Variants in PTGER4 observed in about 807,000 individuals in gnomAD.
PTGER4 encodes prostaglandin E2 receptor EP4 subtype.
In PTGER4, 11 loss-of-function variants were observed where a neutral mutation model predicts 33.2. The ratio of observed to expected loss-of-function variants is 0.33; its 90% CI spans 0.21 to 0.55. The LOEUF (loss-of-function observed/expected upper bound fraction) is 0.55. PTGER4 is among the 20% of genes least tolerant of loss of function. PTGER4 has a pLI of 0.92. For synonymous variants in PTGER4, 275 were observed against 281.5 expected (o/e 0.98, Z 0.23); for missense variants, 481 against 650.2 (o/e 0.74, Z 2.83).
intron 2 of PTGER4, among the ~76,000 whole-genome samples, chr5:40,687,654 C>T (rs989196734): frequency 2.0e-5 from 3 of 152,218 alleles, no homozygotes; most frequent in African/African-American, 7.2e-5. Flanking sequence ...TCTTTCCCTA[C>T]TTGAAGTAAG....
At chr5:40,704,020 G>C in the PTGER4 span, among the ~76,000 whole-genome samples, 3 of 142,354 alleles carry the variant, frequency 2.1e-5, no homozygotes, top group Non-Finnish European at 4.5e-5. Flanking sequence ...ACCTGGCAGA[G>C]ACACAACAAA....
the PTGER4 span, among the ~76,000 whole-genome samples, chr5:40,709,950 T>C: frequency 6.6e-6 from 1 of 152,200 alleles, no homozygotes; most frequent in African/African-American, 2.4e-5. Context: ...GACTTAAATG[T>C]TAGACCTAAA....
At chr5:40,696,476 G>T (rs941910736), downstream of PTGER4, among the ~76,000 whole-genome samples, 3 of 152,164 alleles carry the variant, frequency 2.0e-5, no homozygotes, top group African/African-American at 7.2e-5. Flanking sequence ...CTTACAACAA[G>T]AGAGAGCATT....
At chr5:40,697,282 GAAAGAAAGAAAGAAAA>G (rs1306216384), downstream of PTGER4, among the ~76,000 whole-genome samples, 17 of 126,408 alleles carry the variant, frequency 1.3e-4, no homozygotes, top group Admixed American at 1.3e-3. Context: ...AAGAAAGAAA[GAAAGAAAGAAAGAAAA>G]AGAAAGGCCA....
Position 40,680,938 on chromosome 5 carries a change from C to G in PTGER4, c.-43-13C>G, listed in dbSNP as rs1411559616. ...CGCTCACGGCAGCTTTGTCTCTCTT[C>G]TACCATCCCCAGACCCAGCCTTGCA... On this transcript the variant is annotated splice_polypyrimidine_tract_variant and intron_variant, in intron 1 of 2. Transcript: ENST00000302472. The surrounding 1 kb of genome is among the most constrained non-coding windows in gnomAD (Gnocchi z 5.5). 2 of 1,548,394 alleles carry G rather than the reference C, an allele frequency of 1.3e-6. No individual in the cohort carries two copies. Among genetic ancestry groups the G allele is most frequent in the Admixed American group, 3.9e-5 (2 of 51,312 alleles).
the PTGER4 span, among the ~76,000 whole-genome samples, chr5:40,735,592 A>C: frequency 1.3e-5 from 2 of 152,228 alleles, no homozygotes; most frequent in African/African-American, 2.4e-5. Context: ...CCATGAAGAA[A>C]GAAGAATAAA....
chr5:40,718,356 A>G, the PTGER4 span, among the ~76,000 whole-genome samples: 1 of 152,156 alleles, frequency 6.6e-6, no homozygotes, highest in Non-Finnish European at 1.5e-5. Flanking sequence ...CAGTGAGCCA[A>G]GATGGTGCCA....
At chr5:40,730,436 T>A in the PTGER4 span, 1 of 967,746 alleles carries the variant, frequency 1.0e-6, no homozygotes, top group Non-Finnish European at 1.6e-6. Flanking sequence ...ATATAAAATT[T>A]ACCATCTTAA....
rs540254990 is a variant in PTGER4, at chr5:40,680,696, T to C, written c.-44+218T>C. 6.6e-6 allele frequency among the ~76,000 whole-genome samples: 1 copy of C among 152,196 alleles called. No homozygotes were observed. Among genetic ancestry groups the C allele is most frequent in the African/African-American group, 2.4e-5 (1 of 41,510 alleles). ...TTATTCATCTTGGCAATGGAGTGAG[T>C]TGGATTGTGGGGAGGAAGAGGAATG... On this transcript the variant is annotated intron_variant, in intron 1 of 2. Coordinates refer to ENST00000302472, the MANE Select transcript of PTGER4 (RefSeq NM_000958.3). This position sits in a 1 kb window ranked among gnomAD's most constrained non-coding sequence, Gnocchi z 5.5.
At chr5:40,736,170 T>C in the PTGER4 span, among the ~76,000 whole-genome samples, 7 of 152,212 alleles carry the variant, frequency 4.6e-5, no homozygotes, top group African/African-American at 1.7e-4. Flanking sequence ...TGATGACAGA[T>C]CATATAGGCA....
chr5:40,698,102 AAAAAAAAAAAAAAAAAAC>A (rs1361870755), downstream of PTGER4, among the ~76,000 whole-genome samples: 2 of 142,112 alleles, frequency 1.4e-5, no homozygotes, highest in East Asian at 2.0e-4. Flanking sequence ...CAAAAAAAAA[AAAAAAAAAAAAAAAAAAC>A]CATGAAAAAT....
the PTGER4 span, among the ~76,000 whole-genome samples, chr5:40,706,697 A>T: frequency 6.6e-6 from 1 of 151,970 alleles, no homozygotes; most frequent in African/African-American, 2.4e-5. Flanking sequence ...GGAAAAAAAA[A>T]ATTGTAAATT....
chr5:40,698,092 C>CAAAAAAAAAAAAAAAAAAA (rs1156254550), downstream of PTGER4, among the ~76,000 whole-genome samples: 9 of 40,054 alleles, frequency 2.2e-4, no homozygotes, highest in East Asian at 8.7e-4. Context: ...CCTGTCTCTA[C>CAAAAAAAAAAAAAAAAAAA]AAAAAAAAAA....
the PTGER4 span, among the ~76,000 whole-genome samples, chr5:40,745,340 G>A: frequency 6.6e-6 from 1 of 152,184 alleles, no homozygotes; most frequent in Non-Finnish European, 1.5e-5. Flanking sequence ...GAAAAAACAT[G>A]AGGAATTAGG....
chr5:40,743,403 C>A, the PTGER4 span, among the ~76,000 whole-genome samples: 2 of 152,158 alleles, frequency 1.3e-5, no homozygotes, highest in Non-Finnish European at 2.9e-5. Flanking sequence ...ATTTGGTAGG[C>A]AGGGACTCAG....
downstream of PTGER4, among the ~76,000 whole-genome samples, chr5:40,698,092 C>CCA (rs1741653097): frequency 2.5e-5 from 1 of 40,050 alleles, no homozygotes; most frequent in Non-Finnish European, 4.1e-5. Flanking sequence ...CCTGTCTCTA[C>CCA]AAAAAAAAAA....
chr5:40,739,957 T>C, the PTGER4 span, among the ~76,000 whole-genome samples: 2 of 152,132 alleles, frequency 1.3e-5, no homozygotes, highest in Non-Finnish European at 2.9e-5. Context: ...AAATAAAGTA[T>C]TCAGCTTCTA....
At chr5:40,726,075 G>A in the PTGER4 span, among the ~76,000 whole-genome samples, 5 of 151,514 alleles carry the variant, frequency 3.3e-5, no homozygotes, top group South Asian at 4.2e-4. Context: ...TTGAGCCACC[G>A]CGCCTGGCTT....
rs537336460 is a variant in PTGER4 at position 40,692,924 on chromosome 5, A to G, written c.*546A>G. Reference sequence around the variant, plus strand: ...TTATCGCAACCCCTCTCCTTCCAGTATAACCAGCTGAAGTTGCAGATGTTA... The same window carrying G: ...TTATCGCAACCCCTCTCCTTCCAGTGTAACCAGCTGAAGTTGCAGATGTTA... On this transcript the variant is annotated 3_prime_UTR_variant, in exon 3 of 3. Coordinates refer to ENST00000302472, the MANE Select transcript of PTGER4 (RefSeq NM_000958.3). The G allele has an allele frequency of 2.0e-6, 2 of 978,594 alleles. No individual in the cohort carries two copies. Among genetic ancestry groups the G allele is most frequent in the South Asian group, 4.7e-5 (1 of 21,126 alleles). The allele number at this position is 978,594 out of a possible 1,614,324, so 60.6% of individuals were successfully genotyped here. A position where few individuals can be genotyped will look rare whatever the true frequency, so the allele number is the denominator to read the frequency against.
Sources: gnomAD v4.1 joint callset for allele counts (sites outside exome capture counted in the v4.1 genomes callset) on GRCh38, gnomAD v4.1.1 for gene constraint, Gnocchi (gnomAD v3.1) non-coding constraint, MANE v1.5 for transcripts, NCBI Gene and HGNC (gene_info 2026-07-23, HGNC 2026-07-21) for gene names.